Variants in GLUD2 observed in about 807,000 individuals in gnomAD.
GLUD2 encodes the protein glutamate dehydrogenase 2.
Under a neutral mutation model 16.2 loss-of-function variants are expected in GLUD2, and 11 were observed. That is an observed-to-expected ratio of 0.68 (90% CI 0.43 to 1.13). The LOEUF (loss-of-function observed/expected upper bound fraction) is 1.13. Among genes scored for constraint, GLUD2 ranks in the 50% most tolerant of loss-of-function variants. GLUD2 has a pLI of 0.00. For missense variants in GLUD2, 360 were observed against 456.4 expected (o/e 0.79, Z 1.93); for synonymous variants, 147 against 181.9 (o/e 0.81, Z 1.55).
Position 121,047,811 on chromosome X carries a change from C to G in GLUD2, c.127C>G (p.Pro43Ala). 1 of 1,207,656 alleles carries G rather than the reference C, an allele frequency of 8.3e-7. No homozygotes were observed. The highest frequency in any genetic ancestry group is 1.1e-6 in the Non-Finnish European group (1 of 894,311). ...GRGQPAAASQ[P>A]GLALAARRHY... ...CGGACAGCCCGCCGCCGCCTCGCAG[C>G]CGGGGCTCGCATTGGCCGCCCGGCG... The change falls in exon 1 of 1, where the codon CCG becomes GCG. Residue 43 changes from proline (P) to alanine (A), a missense_variant. Physicochemically the swap from Pro to Ala is conservative, Grantham distance 27. Around this residue, in one of 3 missense-constraint regions of GLUD2, gnomAD observed 58 missense variants for 49.9 expected, o/e 1.16. Coordinates refer to ENST00000328078, the MANE Select transcript of GLUD2 (RefSeq NM_012084.4).
Position 121,049,378 on chromosome X carries a change from T to G in GLUD2, c.*17T>G. On this transcript the variant is annotated 3_prime_UTR_variant, in exon 1 of 1. Coordinates refer to ENST00000328078, the MANE Select transcript of GLUD2 (RefSeq NM_012084.4). Reference sequence around the variant, plus strand: ...TTCACATAGATGGATCATGGCTGACTTCCTCACTAACCTCTTCACGTGTAA... The same window carrying G: ...TTCACATAGATGGATCATGGCTGACGTCCTCACTAACCTCTTCACGTGTAA... The G allele has an allele frequency of 8.5e-7, 1 of 1,180,386 alleles. No homozygotes were observed. Among genetic ancestry groups the G allele is most frequent in the Non-Finnish European group, 1.2e-6 (1 of 867,968 alleles).
At position 121,049,359 on chromosome X, in the gene GLUD2, T is replaced by C; in HGVS notation, c.1675T>C (p.Ter559GlnextTer5). The C allele has an allele frequency of 8.3e-7, 1 of 1,201,348 alleles. No homozygotes were observed. Among genetic ancestry groups the C allele is most frequent in the Non-Finnish European group, 1.1e-6 (1 of 887,083 alleles). Residue 559 changes from the stop codon to glutamine (Q), a stop_lost, in exon 1 of 1, where the codon TAG becomes CAG. Transcript: ENST00000328078. Reference sequence around the variant, plus strand: ...CAGTGAAGCTGGTGTGACCTTCACATAGATGGATCATGGCTGACTTCCTCA... The same window carrying C: ...CAGTGAAGCTGGTGTGACCTTCACACAGATGGATCATGGCTGACTTCCTCA... ...VYSEAGVTFT[*>Q]
Position 121,047,813 on chromosome X carries a change from G to T in GLUD2, c.129G>T (p.Pro43=), listed in dbSNP as rs373093109. 282 of 1,206,323 alleles carry T rather than the reference G, an allele frequency of 2.3e-4. 2 individuals are homozygous for T. The South Asian group carries it at 4.7e-3, about 20-fold the overall frequency. The change falls in exon 1 of 1, where the codon CCG becomes CCT. Residue 43 remains proline, a synonymous_variant. Transcript: ENST00000328078. ...GRGQPAAASQ[P]GLALAARRHY... ...GACAGCCCGCCGCCGCCTCGCAGCC[G>T]GGGCTCGCATTGGCCGCCCGGCGCC...
At position 121,047,804 on chromosome X, in the gene GLUD2, C is replaced by G. The variant is rs758314612; in HGVS notation, c.120C>G (p.Ala40=). Residue 40 remains alanine (A), a synonymous_variant, in exon 1 of 1, where the codon GCC becomes GCG. Transcript: ENST00000328078. ...GGGGCCGCGGACAGCCCGCCGCCGC[C>G]TCGCAGCCGGGGCTCGCATTGGCCG... ...LGRGRGQPAA[A]SQPGLALAAR... 4.1e-5 allele frequency: 49 copies of G among 1,206,979 alleles called. No homozygotes were observed. Among genetic ancestry groups the G allele is most frequent in the Non-Finnish European group, 5.4e-5 (48 of 893,868 alleles).
Position 121,047,618 on chromosome X carries a change from G to A in GLUD2, c.-67G>A. Reference sequence around the variant, plus strand: ...ACCCGCGCCGGACCCTTCCTTCCTAGTCGCGGGGAGTCTGAGAAAGCGCAC... The same window carrying A: ...ACCCGCGCCGGACCCTTCCTTCCTAATCGCGGGGAGTCTGAGAAAGCGCAC... On this transcript the variant is annotated 5_prime_UTR_variant, in exon 1 of 1. Coordinates refer to ENST00000328078, the MANE Select transcript of GLUD2 (RefSeq NM_012084.4). The A allele has an allele frequency of 5.4e-6, 4 of 741,754 alleles. No individual in the cohort carries two copies. The highest frequency in any genetic ancestry group is 7.2e-6 in the Non-Finnish European group (4 of 558,736). 61.1% of individuals were successfully genotyped at this position (741,754 alleles called of 1,213,427 possible).
rs1375936247 is a variant in GLUD2 at position 121,047,887 on chromosome X, A to G, written c.203A>G (p.Lys68Arg). The stretch of plus-strand genomic sequence containing the variant: ...CGCGAGGACGACCCCAACTTCTTCA[A>G]GATGGTGGAGGGCTTCTTCGATCGC... ...ADREDDPNFF[K>R]MVEGFFDRGA... Residue 68 changes from lysine to arginine, a missense_variant, in exon 1 of 1, where the codon AAG (lysine) becomes AGG (arginine). Physicochemically the swap from Lys to Arg is conservative, Grantham distance 26. This residue lies in a region of GLUD2 where 23 missense variants were observed against 53.7 expected (regional missense o/e 0.43). Transcript: ENST00000328078. 1 of 1,210,772 alleles carries G rather than the reference A, an allele frequency of 8.3e-7. No individual in the cohort carries two copies. Among genetic ancestry groups the G allele is most frequent in the East Asian group, 3.0e-5 (1 of 33,811 alleles).
Position 121,048,923 on chromosome X carries a change from T to G in GLUD2, c.1239T>G (p.Ala413=). The change falls in exon 1 of 1, where the codon GCT becomes GCG. Residue 413 remains alanine, a synonymous_variant. Transcript: ENST00000328078. ...CCAATGGGCCAACAACTCCAGAAGC[T>G]GATAAGATCTTCCTGGAGAGAAACA... ...EGANGPTTPE[A]DKIFLERNIL... 8.3e-7 allele frequency: 1 copy of G among 1,211,831 alleles called. No homozygotes were observed. The highest frequency in any genetic ancestry group is 2.2e-5 in the Admixed American group (1 of 46,096).
Position 121,047,663 on chromosome X carries a change from C to T in GLUD2, c.-22C>T. 2.0e-6 allele frequency: 2 copies of T among 1,010,367 alleles called. No individual in the cohort carries two copies. The highest frequency in any genetic ancestry group is 2.6e-6 in the Non-Finnish European group (2 of 778,430). 83.3% of individuals were successfully genotyped at this position (1,010,367 alleles called of 1,213,427 possible). A position where few individuals can be genotyped will look rare whatever the true frequency, so the allele number is the denominator to read the frequency against. On this transcript the variant is annotated 5_prime_UTR_variant, in exon 1 of 1. Transcript: ENST00000328078. ...GCGCACCTGTTCCGCGACCGTCACG[C>T]ACCCCTCCTCCGCCTGCCGCGATGT...
In GLUD2 at chrX:121,049,465, T is replaced by A; in HGVS notation, c.*104T>A. 1 of 731,703 alleles carries A rather than the reference T, an allele frequency of 1.4e-6. No homozygotes were observed. The highest frequency in any genetic ancestry group is 3.2e-5 in the East Asian group (1 of 31,636). The allele number at this position is 731,703 out of a possible 1,213,427, so 60.3% of individuals were successfully genotyped here. ...AGAAATCCCTTTCTCTCCTGACTCA[T>A]TACTAATGGATACCATTCTCAACAA... On this transcript the variant is annotated 3_prime_UTR_variant, in exon 1 of 1. Coordinates refer to ENST00000328078, the MANE Select transcript of GLUD2 (RefSeq NM_012084.4).
At position 121,048,364 on chromosome X, in the gene GLUD2, A is replaced by G. The variant is rs879031179; in HGVS notation, c.680A>G (p.Asn227Ser). ...PGVDVPAPDM[N>S]TGEREMSWIA... ...GTTGATGTGCCTGCTCCAGACATGA[A>G]CACAGGTGAGCGGGAGATGTCCTGG... is the stretch of plus-strand genomic sequence containing the variant. Residue 227 changes from asparagine to serine, a missense_variant, in exon 1 of 1, where the codon AAC (asparagine) becomes AGC (serine). Physicochemically the swap from Asn to Ser is conservative, Grantham distance 46. Transcript: ENST00000328078. The G allele has an allele frequency of 8.3e-7, 1 of 1,211,715 alleles. No individual in the cohort carries two copies. Among genetic ancestry groups the G allele is most frequent in the Non-Finnish European group, 1.1e-6 (1 of 895,506 alleles).
At position 121,048,771 on chromosome X, in the gene GLUD2, A is replaced by G; in HGVS notation, c.1087A>G (p.Lys363Glu). 6 of 1,211,465 alleles carry G rather than the reference A, an allele frequency of 5.0e-6. No individual in the cohort carries two copies. Among genetic ancestry groups the G allele is most frequent in the Non-Finnish European group, 6.7e-6 (6 of 895,313 alleles). Residue 363 changes from lysine (K) to glutamate (E), a missense_variant, in exon 1 of 1, where the codon AAG (lysine) becomes GAG (glutamate). Coordinates refer to ENST00000328078, the MANE Select transcript of GLUD2 (RefSeq NM_012084.4). ...LQHGSILGFP[K>E]AKPYEGSILE... ...ACATGGGTCCATTCTGGGCTTCCCC[A>G]AGGCAAAGCCCTATGAAGGAAGCAT...
chrX:121,049,696 TG>T lies in GLUD2; in HGVS notation c.*336del, dbSNP rs1192138700. The T allele has an allele frequency of 3.3e-6, 1 of 303,494 alleles. No homozygotes were observed. The highest frequency in any genetic ancestry group is 2.7e-5 in the African/African-American group (1 of 37,285). The allele number at this position is 303,494 out of a possible 1,213,427, so 25.0% of individuals were successfully genotyped here. A position where few individuals can be genotyped will look rare whatever the true frequency, so the allele number is the denominator to read the frequency against. On this transcript the variant is annotated 3_prime_UTR_variant, in exon 1 of 1. Coordinates refer to ENST00000328078, the MANE Select transcript of GLUD2 (RefSeq NM_012084.4). Reference sequence around the variant, plus strand: ...GAAGGGACAGTCAAGAGCAGTCAGTTGCTTACTTATTTTGCTCTGGATGAGT... The same window carrying T: ...GAAGGGACAGTCAAGAGCAGTCAGTTCTTACTTATTTTGCTCTGGATGAGT...
rs1925468210 is a variant in GLUD2, at chrX:121,049,899, A to G, written c.*538A>G. ...TATGAATTTTATTCTTTTAGAATAGAATAAGTACATGCTGCTGTAATAAAA... is the reference window on the plus strand; with the variant it reads ...TATGAATTTTATTCTTTTAGAATAGGATAAGTACATGCTGCTGTAATAAAA... On this transcript the variant is annotated 3_prime_UTR_variant, in exon 1 of 1. Coordinates refer to ENST00000328078, the MANE Select transcript of GLUD2 (RefSeq NM_012084.4). 7.5e-6 allele frequency: 1 copy of G among 132,755 alleles called. No homozygotes were observed. The highest frequency in any genetic ancestry group is 1.7e-5 in the Non-Finnish European group (1 of 58,655). 10.9% of individuals were successfully genotyped at this position (132,755 alleles called of 1,213,427 possible).
Sources: gnomAD v4.1 joint callset for allele counts on GRCh38, gnomAD v4.1.1 for gene constraint, gnomAD v4.1.1 regional missense constraint, MANE v1.5 for transcripts, NCBI Gene and HGNC (gene_info 2026-07-23, HGNC 2026-07-21) for gene names.